Variants in LPCAT2 observed in about 807,000 individuals in gnomAD.
The protein encoded by LPCAT2 is lysophosphatidylcholine acyltransferase 2, also known as 1-AGP acyltransferase 11.
A neutral mutation model predicts 64.7 loss-of-function variants in LPCAT2; 58 were observed. The observed-to-expected ratio is 0.90, with a 90% CI of 0.73 to 1.12. LPCAT2 has a LOEUF of 1.12. Among genes scored for constraint, LPCAT2 ranks in the 50% most tolerant of loss-of-function variants. The pLI is 0.00. For missense variants in LPCAT2, 579 were observed against 669.8 expected, an observed-to-expected ratio of 0.86 and a Z score of 1.50; for synonymous variants, 252 against 245.3, an observed-to-expected ratio of 1.03 and a Z score of -0.26.
At chr16:55,567,045 G>A in intron 11 of LPCAT2, 2 of 1,613,832 alleles carry the variant, frequency 1.2e-6, no homozygotes, top group South Asian at 2.2e-5. Context: ...GGAGGTGGGT[G>A]CCACTGATCT....
chr16:55,558,590 C>T (rs185843681), intron 11 of LPCAT2, among the ~76,000 whole-genome samples: 5 of 152,286 alleles, frequency 3.3e-5, no homozygotes, highest in African/African-American at 1.2e-4. Flanking sequence ...TGTCACCATA[C>T]TCAATAGCAG....
rs144580062 is a variant in LPCAT2, at chr16:55,559,022, C to T, written c.1215+7920C>T. Among the ~76,000 whole-genome samples, 736 of 152,248 alleles carry T rather than the reference C, an allele frequency of 4.8e-3. 2 individuals are homozygous for T. The highest frequency in any genetic ancestry group is 0.012 in the Admixed American group (179 of 15,292). On this transcript the variant is annotated intron_variant, in intron 11 of 13. Coordinates refer to ENST00000262134, the MANE Select transcript of LPCAT2 (RefSeq NM_017839.5). ...TCTGTCTAGCTCTTGTTACTATCCT[C>T]CCATAGTTGTAAGTAGTGGTGTATC...
chr16:55,519,250 C>T (rs1275929595), intron 1 of LPCAT2, among the ~76,000 whole-genome samples: 5 of 151,824 alleles, frequency 3.3e-5, no homozygotes, highest in Admixed American at 1.3e-4. Flanking sequence ...CCTGTAGTCC[C>T]GGCACTTTGG....
chr16:55,529,564 C>T (rs752504577), intron 3 of LPCAT2, among the ~76,000 whole-genome samples: 1 of 152,080 alleles, frequency 6.6e-6, no homozygotes, highest in Non-Finnish European at 1.5e-5. Context: ...GGTTTAATGT[C>T]AATTGAGGAA....
chr16:55,567,938 G>A lies in LPCAT2; in HGVS notation c.1216-6693G>A, dbSNP rs375775149. ...ACATTTTCCATTTTAAAAAGTTGAG[G>A]AGAGAGGTTCAAAATCTGTTTTTCT... On this transcript the variant is annotated intron_variant, in intron 11 of 13. Coordinates refer to ENST00000262134, the MANE Select transcript of LPCAT2 (RefSeq NM_017839.5). Among the ~76,000 whole-genome samples, 10 of 152,236 alleles carry A rather than the reference G, an allele frequency of 6.6e-5. No homozygotes were observed. In the East Asian group the frequency reaches 1.5e-3, roughly 23 times the overall value.
intron 2 of LPCAT2, chr16:55,526,112 TTAG>T (rs1305434941): frequency 6.6e-6 from 1 of 152,180 alleles, no homozygotes; most frequent in Non-Finnish European, 1.5e-5. Context: ...ATTAATTACT[TTAG>T]TAGTAATTTC....
rs1427538756 is a variant in LPCAT2 at position 55,585,620 on chromosome 16, T to C, written c.*2522T>C. 1 of 152,222 alleles carries C rather than the reference T, an allele frequency of 6.6e-6. No individual in the cohort carries two copies. Among genetic ancestry groups the C allele is most frequent in the Non-Finnish European group, 1.5e-5 (1 of 68,044 alleles). 9.4% of individuals were successfully genotyped at this position (152,222 alleles called of 1,614,324 possible). ...AACCTCTAAACCACAAACATTCAAT[T>C]GAAAGAGTTCTGTTGAAGGATAATG... On this transcript the variant is annotated 3_prime_UTR_variant, in exon 14 of 14. Coordinates refer to ENST00000262134, the MANE Select transcript of LPCAT2 (RefSeq NM_017839.5).
At chr16:55,570,769 C>T (rs1372078131) in intron 11 of LPCAT2, among the ~76,000 whole-genome samples, 1 of 152,070 alleles carries the variant, frequency 6.6e-6, no homozygotes, top group Non-Finnish European at 1.5e-5. Context: ...TATATTAAAA[C>T]AATTTTATTC....
intron 11 of LPCAT2, chr16:55,567,836 A>T (rs1963724124): frequency 5.0e-6 from 1 of 201,034 alleles, no homozygotes; most frequent in Non-Finnish European, 1.0e-5. Flanking sequence ...AGGAGTAGGA[A>T]CTTTATTATT....
intron 10 of LPCAT2, 82 bp from the exon 11 acceptor site, chr16:55,550,867 A>G (rs1346742045): frequency 8.6e-7 from 1 of 1,159,798 alleles, no homozygotes; most frequent in South Asian, 2.4e-5. Context: ...TCCCAGATAC[A>G]TTAATAAAAT....
At chr16:55,557,756 A>G (rs1963593676) in intron 11 of LPCAT2, among the ~76,000 whole-genome samples, 1 of 152,028 alleles carries the variant, frequency 6.6e-6, no homozygotes, top group African/African-American at 2.4e-5. Context: ...GAAAACCTCA[A>G]TATCTCTCCA....
intron 11 of LPCAT2, among the ~76,000 whole-genome samples, chr16:55,564,523 G>A (rs1300727793): frequency 6.6e-6 from 1 of 151,956 alleles, no homozygotes; most frequent in African/African-American, 2.4e-5. Context: ...ATAGAATAGA[G>A]ATCCCAGAAG....
chr16:55,559,911 T>C (rs1963617960), intron 11 of LPCAT2, among the ~76,000 whole-genome samples: 1 of 152,178 alleles, frequency 6.6e-6, no homozygotes, highest in Non-Finnish European at 1.5e-5. Context: ...CTCCTCCATT[T>C]AGTCCATCAC....
intron 11 of LPCAT2, among the ~76,000 whole-genome samples, chr16:55,570,278 C>T (rs910847784): frequency 2.0e-5 from 3 of 151,994 alleles, no homozygotes; most frequent in East Asian, 3.9e-4. Flanking sequence ...TTTTGGGTAG[C>T]GGTGCATGTG....
chr16:55,526,002 C>T (rs1357021517), intron 2 of LPCAT2: 1 of 155,300 alleles, frequency 6.4e-6, no homozygotes, highest in Non-Finnish European at 1.4e-5. Flanking sequence ...ATACTTGAAA[C>T]CACTGAAGCT....
rs1428303130 is a variant in LPCAT2 at position 55,550,770 on chromosome 16, G to A, written c.1062-179G>A. 6.6e-5 allele frequency among the ~76,000 whole-genome samples: 10 copies of A among 152,150 alleles called. No individual in the cohort carries two copies. In the East Asian group the frequency reaches 1.9e-3, roughly 29 times the overall value. On this transcript the variant is annotated intron_variant, in intron 10 of 13. Transcript: ENST00000262134. ...CTCTCCTAAAAAATACAAAATAAAA[G>A]ATTAAATGCCTGCATATATGTTGAA...
At chr16:55,577,422 G>C (rs1963839839) in intron 12 of LPCAT2, among the ~76,000 whole-genome samples, 1 of 152,062 alleles carries the variant, frequency 6.6e-6, no homozygotes, top group Non-Finnish European at 1.5e-5. Flanking sequence ...CCTGGATTTG[G>C]ATGCCCCCTG....
At chr16:55,576,901 T>C (rs1175077526) in intron 12 of LPCAT2, among the ~76,000 whole-genome samples, 1 of 152,136 alleles carries the variant, frequency 6.6e-6, no homozygotes, top group African/African-American at 2.4e-5. Flanking sequence ...GTCTTTAGTA[T>C]GGACCATGTA....
chr16:55,572,583 C>A (rs1344551142), intron 11 of LPCAT2, among the ~76,000 whole-genome samples: 5 of 149,950 alleles, frequency 3.3e-5, no homozygotes, highest in African/African-American at 1.2e-4. Flanking sequence ...TCCTTTAATA[C>A]TCTGCCTTCT....
Sources: gnomAD v4.1 joint callset for allele counts (sites outside exome capture counted in the v4.1 genomes callset) on GRCh38, gnomAD v4.1.1 for gene constraint, MANE v1.5 for transcripts, NCBI Gene and HGNC (gene_info 2026-07-23, HGNC 2026-07-21) for gene names.